Variants in CWC27 observed in about 807,000 individuals in gnomAD.
CWC27 encodes the protein CWC27 spliceosome associated cyclophilin.
In CWC27, 47 loss-of-function variants were observed where a neutral mutation model predicts 63.6. The ratio of observed to expected loss-of-function variants is 0.74; its 90% confidence interval spans 0.58 to 0.94. The LOEUF (loss-of-function observed/expected upper bound fraction) is 0.94. Ranked by LOEUF, CWC27 falls within the 40% of genes least tolerant of loss-of-function variation. CWC27 has a pLI of 0.00. For synonymous variants in CWC27, 175 were observed against 179.8 expected, an observed-to-expected ratio of 0.97 and a Z score of 0.22; for missense variants, 495 against 554.3, an observed-to-expected ratio of 0.89 and a Z score of 1.07.
rs4700065 is a variant in CWC27, at chr5:64,879,883, C to T, written c.939-5560C>T. On this transcript the variant is annotated intron_variant, in intron 10 of 13. Transcript: ENST00000381070. ...AATGCTTGGCATTTATACTTTACCCCAGATCCTTTTCTCAGCTCTATCTTT... is the reference window on the plus strand; with the variant it reads ...AATGCTTGGCATTTATACTTTACCCTAGATCCTTTTCTCAGCTCTATCTTT... Among the ~76,000 whole-genome samples the T allele has an allele frequency of 8.1e-3, 1,231 of 151,926 alleles. 53 individuals carry two copies. The highest frequency in any genetic ancestry group is 0.072 in the Admixed American group (1,101 of 15,262).
chr5:64,895,659 G>A (rs963926313), intron 11 of CWC27, among the ~76,000 whole-genome samples: 18 of 152,070 alleles, frequency 1.2e-4, no homozygotes, highest in Non-Finnish European at 2.2e-4. Flanking sequence ...AAAAAGTTCA[G>A]ATTTTATTCA....
At chr5:65,006,770 C>T (rs1443385039) in intron 13 of CWC27, among the ~76,000 whole-genome samples, 3 of 151,740 alleles carry the variant, frequency 2.0e-5, no homozygotes, top group Non-Finnish European at 4.4e-5. Context: ...TGGTGACTTC[C>T]TTTCAAAGTG....
At chr5:64,813,837 G>A (rs965376580) in intron 10 of CWC27, among the ~76,000 whole-genome samples, 1 of 152,162 alleles carries the variant, frequency 6.6e-6, no homozygotes, top group African/African-American at 2.4e-5. Context: ...AAGAAGTAAA[G>A]TTCTTCTTTG....
chr5:64,804,680 A>G (rs1397088869), intron 10 of CWC27: 3 of 216,982 alleles, frequency 1.4e-5, no homozygotes, highest in Non-Finnish European at 2.7e-5. Context: ...CTAGATGTGG[A>G]AGAATGCATT....
intron 13 of CWC27, among the ~76,000 whole-genome samples, chr5:64,987,662 A>G (rs1477185142): frequency 6.6e-6 from 1 of 152,184 alleles, no homozygotes; most frequent in African/African-American, 2.4e-5. Flanking sequence ...TTCACTTTAG[A>G]ATGTCATTAT....
chr5:64,770,160 T>C (rs1743194786), intron 1 of CWC27, among the ~76,000 whole-genome samples: 1 of 152,232 alleles, frequency 6.6e-6, no homozygotes. Context: ...GATAATGTAA[T>C]GAGAGCAATT....
chr5:64,798,648 A>G (rs1261209569), intron 7 of CWC27, among the ~76,000 whole-genome samples: 1 of 152,204 alleles, frequency 6.6e-6, no homozygotes, highest in African/African-American at 2.4e-5. Flanking sequence ...GATTAACTCT[A>G]TAGAGAGCTC....
intron 12 of CWC27, among the ~76,000 whole-genome samples, chr5:64,976,136 A>G (rs918313286): frequency 2.6e-5 from 4 of 152,324 alleles, no homozygotes; most frequent in Admixed American, 6.5e-5. Context: ...TACTAAATTT[A>G]TCTAGTTTCT....
chr5:64,950,946 T>G (rs1157500898), intron 11 of CWC27, among the ~76,000 whole-genome samples: 2 of 152,012 alleles, frequency 1.3e-5, no homozygotes, highest in Non-Finnish European at 2.9e-5. Context: ...TTGTATCAGG[T>G]TTTTTTCCTT....
At chr5:64,962,371 G>C (rs937260124) in intron 11 of CWC27, among the ~76,000 whole-genome samples, 1 of 152,182 alleles carries the variant, frequency 6.6e-6, no homozygotes, top group Non-Finnish European at 1.5e-5. Context: ...GGCATAACCA[G>C]ACATTGAGTA....
intron 11 of CWC27, among the ~76,000 whole-genome samples, chr5:64,969,165 C>G (rs1321345866): frequency 6.6e-6 from 1 of 152,176 alleles, no homozygotes; most frequent in Non-Finnish European, 1.5e-5. Context: ...AATGCTGAAT[C>G]TGTTTTGAAA....
At chr5:64,807,948 T>G (rs1276905976) in intron 10 of CWC27, 2 of 1,424,818 alleles carry the variant, frequency 1.4e-6, no homozygotes, top group East Asian at 5.1e-5. Flanking sequence ...CACCTACCAC[T>G]CCACTGAAAC....
intron 10 of CWC27, among the ~76,000 whole-genome samples, chr5:64,805,681 T>C (rs1421785739): frequency 3.3e-5 from 5 of 152,070 alleles, no homozygotes; most frequent in African/African-American, 1.2e-4. Context: ...CAACTCAGTC[T>C]TGTAGGCTTT....
At chr5:65,007,489 G>A (rs546178204) in intron 13 of CWC27, among the ~76,000 whole-genome samples, 6 of 152,270 alleles carry the variant, frequency 3.9e-5, no homozygotes, top group African/African-American at 7.2e-5. Flanking sequence ...CTGTTGGTTG[G>A]AAGTCCAAGA....
intron 7 of CWC27, among the ~76,000 whole-genome samples, chr5:64,790,698 A>G (rs921309088): frequency 2.0e-5 from 3 of 152,268 alleles, no homozygotes; most frequent in Non-Finnish European, 4.4e-5. Context: ...ATCCAGGCTA[A>G]GCTAGGTACT....
chr5:64,988,580 C>T (rs554073784), intron 13 of CWC27, among the ~76,000 whole-genome samples: 6 of 150,022 alleles, frequency 4.0e-5, no homozygotes, highest in South Asian at 4.2e-4. Context: ...CGCTGTCCAG[C>T]GTGGGACCTG....
At chr5:64,807,940 C>G (rs1744746075) in intron 10 of CWC27, 4 of 1,426,994 alleles carry the variant, frequency 2.8e-6, no homozygotes, top group Non-Finnish European at 2.7e-6. Context: ...TAGCTTCTCA[C>G]CTACCACTCC....
chr5:64,947,988 G>A (rs771549663), intron 11 of CWC27, among the ~76,000 whole-genome samples: 5 of 152,044 alleles, frequency 3.3e-5, no homozygotes, highest in Non-Finnish European at 7.4e-5. Flanking sequence ...GTCCTTGTCA[G>A]TTCTGCTAAG....
rs79080167 is a variant in CWC27 at position 64,976,894 on chromosome 5, C to A, written c.1153-241C>A. Among the ~76,000 whole-genome samples the A allele has an allele frequency of 6.9e-3, 1,053 of 152,156 alleles. 15 individuals carry two copies. The highest frequency in any genetic ancestry group is 0.024 in the African/African-American group (1,013 of 41,510). ...TCTATGTAAGCAAACTTTTGTTTCC[C>A]AAATCAGAAAATAGTCACCTATCTC... On this transcript the variant is annotated intron_variant, in intron 12 of 13. Coordinates refer to ENST00000381070, the MANE Select transcript of CWC27 (RefSeq NM_005869.4).
Sources: allele counts gnomAD v4.1 joint callset (sites outside exome capture counted in the v4.1 genomes callset), GRCh38; gene constraint gnomAD v4.1.1; transcripts MANE v1.5; gene names NCBI Gene and HGNC (gene_info 2026-07-23, HGNC 2026-07-21).